Variants in RYR2 observed in about 807,000 individuals in gnomAD.
The protein encoded by RYR2 is ryanodine receptor 2.
Under a neutral mutation model 601.1 loss-of-function variants are expected in RYR2, and 227 were observed. The ratio of observed to expected loss-of-function variants is 0.38; its 90% confidence interval spans 0.34 to 0.42. The LOEUF is 0.42. RYR2 is among the 10% of genes least tolerant of loss of function. The pLI is 1.00. For missense variants in RYR2, 4,646 were observed against 6,156.5 expected, an observed-to-expected ratio of 0.75 and a Z score of 8.21; for synonymous variants, 2,223 against 2,175.1, an observed-to-expected ratio of 1.02 and a Z score of -0.61.
intron 2 of RYR2, among the ~76,000 whole-genome samples, chr1:237,282,296 A>G (rs1358430774): frequency 1.3e-5 from 2 of 152,042 alleles, no homozygotes; most frequent in African/African-American, 4.8e-5. Context: ...CGTGGACCAT[A>G]TGTAAACAGA....
At chr1:237,152,872 C>T (rs917153055) in intron 1 of RYR2, among the ~76,000 whole-genome samples, 1 of 152,086 alleles carries the variant, frequency 6.6e-6, no homozygotes, top group African/African-American at 2.4e-5. Flanking sequence ...AAACAGGCAA[C>T]CCGCAGAATG....
rs749434532 is a variant in RYR2 at position 237,614,118 on chromosome 1, G to A, written c.4990G>A (p.Val1664Ile). The A allele has an allele frequency of 3.2e-5, 52 of 1,614,000 alleles. No individual in the cohort carries two copies. The highest frequency in any genetic ancestry group is 1.6e-4 in the East Asian group (7 of 44,880). Residue 1664 changes from valine to isoleucine, a missense_variant, in exon 37 of 105, where the codon GTC becomes ATC. Physicochemically the swap from Val to Ile is conservative, Grantham distance 29. Around this residue, in one of 17 missense-constraint regions of RYR2, gnomAD observed 1,807 missense variants for 2,088.1 expected, o/e 0.87. Transcript: ENST00000366574. This position sits in a 1 kb window ranked among gnomAD's most constrained non-coding sequence, Gnocchi z 4.3. ...TCACACTCTCCGGCTCTACTCAGCC[G>A]TCTGTGCTCTTGGGAACCACCGGGT... ...HYHTLRLYSA[V>I]CALGNHRVAH... is the part of the protein sequence containing the mutation.
intron 12 of RYR2, among the ~76,000 whole-genome samples, chr1:237,437,905 T>C (rs1707557401): frequency 2.0e-5 from 3 of 152,190 alleles, no homozygotes; most frequent in Admixed American, 1.3e-4. Context: ...ATTAGGAGGA[T>C]CTTGACATTT....
At chr1:237,417,026 C>T (rs982814335) in intron 10 of RYR2, 23 bp from the exon 11 acceptor site, 1 of 1,609,072 alleles carries the variant, frequency 6.2e-7, no homozygotes, top group Non-Finnish European at 8.5e-7. Flanking sequence ...CACATTTGGG[C>T]TTTTGTTTGT....
intron 94 of RYR2, among the ~76,000 whole-genome samples, chr1:237,793,341 A>G (rs790903): frequency 0.66 from 99,754 of 151,564 alleles, 33,253 homozygotes; most frequent in East Asian, 0.92. Context: ...ATGTTCTAGA[A>G]AATCATTATG....
At chr1:237,759,011 A>G (rs952946063) in intron 82 of RYR2, among the ~76,000 whole-genome samples, 2 of 152,178 alleles carry the variant, frequency 1.3e-5, no homozygotes, top group African/African-American at 4.8e-5. Flanking sequence ...TTTACAGACT[A>G]TGGTAATGGA....
chr1:237,737,325 A>G (rs979596766), intron 79 of RYR2, among the ~76,000 whole-genome samples: 1 of 152,230 alleles, frequency 6.6e-6, no homozygotes, highest in Non-Finnish European at 1.5e-5. Context: ...AGGGATGTCC[A>G]GCTTGCACCA....
At chr1:237,531,247 G>C (rs1387759108) in intron 25 of RYR2, among the ~76,000 whole-genome samples, 2 of 152,254 alleles carry the variant, frequency 1.3e-5, no homozygotes, top group East Asian at 3.9e-4. Context: ...AATTGAGGTA[G>C]ATAGATGCTG....
chr1:237,491,614 T>G (rs1379587114), intron 17 of RYR2, among the ~76,000 whole-genome samples, 192 bp from the exon 18 acceptor site: 1 of 152,184 alleles, frequency 6.6e-6, no homozygotes, highest in Non-Finnish European at 1.5e-5. Flanking sequence ...AACTGTGATG[T>G]CTTCATCTTT....
intron 3 of RYR2, among the ~76,000 whole-genome samples, chr1:237,332,220 C>T (rs940019483): frequency 6.6e-6 from 1 of 151,926 alleles, no homozygotes; most frequent in Non-Finnish European, 1.5e-5. Context: ...TTTCATCAGC[C>T]TTGTAGTTTT....
chr1:237,053,202 C>G (rs1661501130), intron 1 of RYR2, among the ~76,000 whole-genome samples: 1 of 152,168 alleles, frequency 6.6e-6, no homozygotes, highest in Admixed American at 6.5e-5. Context: ...TTGGACATGT[C>G]TGTCATGACA....
At chr1:237,136,977 A>G (rs889427511) in intron 1 of RYR2, among the ~76,000 whole-genome samples, 1 of 146,296 alleles carries the variant, frequency 6.8e-6, no homozygotes, top group East Asian at 2.0e-4. Context: ...AGATCATGCC[A>G]CTGCACTCCA....
chr1:237,343,088 G>A (rs536947014), intron 3 of RYR2, among the ~76,000 whole-genome samples: 1 of 152,020 alleles, frequency 6.6e-6, no homozygotes, highest in Non-Finnish European at 1.5e-5. Context: ...AATAGCCATA[G>A]CCAGCATACC....
chr1:237,123,650 A>ACTT (rs1228380756), intron 1 of RYR2, among the ~76,000 whole-genome samples: 2 of 78,928 alleles, frequency 2.5e-5, no homozygotes, highest in African/African-American at 1.0e-4. Flanking sequence ...ATCAGTCACT[A>ACTT]TTTTTTTTTT....
chr1:237,748,168 G>A (rs1404645738), intron 80 of RYR2, among the ~76,000 whole-genome samples: 3 of 152,130 alleles, frequency 2.0e-5, no homozygotes, highest in African/African-American at 7.2e-5. Context: ...AAACGATATG[G>A]GGAATGAGGG....
In RYR2 at chr1:237,270,566, G is replaced by T; in HGVS notation, c.118G>T (p.Glu40Ter). ...KEQQKLCLAA[E>*]GFGNRLCFLE... ...ACAACAGAAGCTATGCTTGGCAGCA[G>T]AAGGATTTGGCAACAGACTTTGTTT... is the stretch of plus-strand genomic sequence containing the variant. Residue 40 changes from glutamate to a stop codon, truncating the protein, a stop_gained, in exon 2 of 105, where the codon GAA (glutamate) becomes TAA (stop). Coordinates refer to ENST00000366574, the MANE Select transcript of RYR2 (RefSeq NM_001035.3). LOFTEE classifies it high-confidence loss of function. 2 of 1,598,522 alleles carry T rather than the reference G, an allele frequency of 1.3e-6. No homozygotes were observed. Among genetic ancestry groups the T allele is most frequent in the South Asian group, 1.1e-5 (1 of 87,814 alleles).
chr1:237,483,364 TG>T (rs1662329932), intron 17 of RYR2, among the ~76,000 whole-genome samples: 1 of 152,226 alleles, frequency 6.6e-6, no homozygotes, highest in Non-Finnish European at 1.5e-5. Context: ...CTGTTCTAAA[TG>T]TCTTACATGT....
chr1:237,074,035 A>T (rs1431175725), intron 1 of RYR2, among the ~76,000 whole-genome samples: 1 of 151,834 alleles, frequency 6.6e-6, no homozygotes, highest in Non-Finnish European at 1.5e-5. Flanking sequence ...TTTGTGTGGG[A>T]GCCCTAAATG....
At chr1:237,670,425 T>TA (rs1246289389) in intron 58 of RYR2, among the ~76,000 whole-genome samples, 1 of 152,160 alleles carries the variant, frequency 6.6e-6, no homozygotes, top group Non-Finnish European at 1.5e-5. Context: ...GCCTGTATTC[T>TA]AAAACCACCC....
Sources: gnomAD v4.1 joint callset for allele counts (sites outside exome capture counted in the v4.1 genomes callset) on GRCh38, gnomAD v4.1.1 for gene constraint, gnomAD v4.1.1 regional missense constraint, Gnocchi (gnomAD v3.1) non-coding constraint, MANE v1.5 for transcripts, NCBI Gene and HGNC (gene_info 2026-07-23, HGNC 2026-07-21) for gene names.